The following DDX46 variants were observed in gnomAD, a reference collection of about 807,000 sequenced individuals.
DDX46 encodes the protein DEAD-box helicase 46, also known as probable ATP-dependent RNA helicase DDX46.
A neutral mutation model predicts 134.9 loss-of-function variants in DDX46; 30 were observed. The observed-to-expected ratio is 0.22, with a 90% CI of 0.17 to 0.30. The LOEUF (loss-of-function observed/expected upper bound fraction) is 0.30, where lower values mean the gene tolerates loss of function less well. Ranked by LOEUF, DDX46 falls within the 10% of genes least tolerant of loss-of-function variation. DDX46 has a pLI of 1.00. For missense variants in DDX46, 622 were observed against 1,248.7 expected, an observed-to-expected ratio of 0.50 and a Z score of 7.56; for synonymous variants, 415 against 404.1, an observed-to-expected ratio of 1.03 and a Z score of -0.32.
chr5:134,768,400 G>A (rs755884562), intron 3 of DDX46, among the ~76,000 whole-genome samples: 4 of 151,186 alleles, frequency 2.6e-5, no homozygotes, highest in Non-Finnish European at 4.4e-5. Flanking sequence ...GTGAGCCACC[G>A]TGCCTGGCCA....
At chr5:134,759,003 T>C in intron 1 of DDX46, 48 bp downstream of exon 1, 1 of 1,602,112 alleles carries the variant, frequency 6.2e-7, no homozygotes, top group Non-Finnish European at 8.5e-7. Flanking sequence ...CTTCTTGGGG[T>C]CGTGAGAAGA....
At chr5:134,767,161 T>A in intron 3 of DDX46, 101 bp downstream of exon 3, 1 of 1,410,084 alleles carries the variant, frequency 7.1e-7, no homozygotes, top group Non-Finnish European at 9.4e-7. Flanking sequence ...TTATAGAGAA[T>A]TAACTGCATT....
intron 3 of DDX46, 73 bp from the exon 4 acceptor site, chr5:134,770,830 A>G: frequency 7.3e-7 from 1 of 1,375,286 alleles, no homozygotes; most frequent in Non-Finnish European, 9.8e-7. Flanking sequence ...AAAAAAAAAA[A>G]AAGTATTTAA....
intron 14 of DDX46, 41 bp downstream of exon 14, chr5:134,795,055 T>G: frequency 6.2e-7 from 1 of 1,605,404 alleles, no homozygotes; most frequent in Non-Finnish European, 8.5e-7. Flanking sequence ...TCCTTGATAC[T>G]TAGGTGGTAT....
intron 16 of DDX46, among the ~76,000 whole-genome samples, chr5:134,808,613 A>G (rs969362095): frequency 6.6e-6 from 1 of 152,266 alleles, no homozygotes; most frequent in East Asian, 1.9e-4. Flanking sequence ...TTAAAAAAAA[A>G]CATGGGATCA....
At chr5:134,805,830 C>T (rs1754969411) in intron 15 of DDX46, among the ~76,000 whole-genome samples, 1 of 152,086 alleles carries the variant, frequency 6.6e-6, no homozygotes. Context: ...TTGCCCCCAG[C>T]CTCTCTGTTC....
chr5:134,816,323 G>A (rs1362866851), intron 18 of DDX46, 107 bp from the exon 19 acceptor site: 86 of 1,052,438 alleles, frequency 8.2e-5, no homozygotes, highest in Non-Finnish European at 1.1e-4. Context: ...ATAACTATCT[G>A]ATTCCAGCCT....
At chr5:134,808,904 T>G (rs1755063952) in intron 16 of DDX46, among the ~76,000 whole-genome samples, 1 of 152,252 alleles carries the variant, frequency 6.6e-6, no homozygotes, top group Non-Finnish European at 1.5e-5. Context: ...CTGCCATATA[T>G]AATGTCATTT....
chr5:134,769,639 C>G (rs1753698016), intron 3 of DDX46, among the ~76,000 whole-genome samples: 1 of 150,714 alleles, frequency 6.6e-6, no homozygotes, highest in South Asian at 2.1e-4. Flanking sequence ...CTCCCGAGTT[C>G]AAGTGATTCT....
chr5:134,766,162 G>A (rs1278027613), intron 2 of DDX46, among the ~76,000 whole-genome samples: 1 of 152,098 alleles, frequency 6.6e-6, no homozygotes, highest in Non-Finnish European at 1.5e-5. Flanking sequence ...TTATACTTAG[G>A]TTTAGGCTAT....
intron 4 of DDX46, 31 bp downstream of exon 4, chr5:134,771,030 T>C: frequency 1.1e-6 from 1 of 910,922 alleles, no homozygotes; most frequent in Non-Finnish European, 1.7e-6. Flanking sequence ...ATAATTTTCT[T>C]TCTTTCTTTT....
intron 15 of DDX46, among the ~76,000 whole-genome samples, chr5:134,799,156 C>T (rs765367232): frequency 3.9e-5 from 6 of 152,064 alleles, no homozygotes; most frequent in Admixed American, 1.3e-4. Context: ...GGATACTGAG[C>T]GATGACTACA....
intron 13 of DDX46, among the ~76,000 whole-genome samples, chr5:134,792,267 C>T (rs1754527063): frequency 6.6e-6 from 1 of 152,058 alleles, no homozygotes; most frequent in Non-Finnish European, 1.5e-5. Flanking sequence ...ACAAGTGTCA[C>T]ATGAAAGCAG....
intron 3 of DDX46, among the ~76,000 whole-genome samples, chr5:134,767,679 G>T (rs373453483): frequency 4.0e-5 from 6 of 151,584 alleles, no homozygotes; most frequent in Admixed American, 3.3e-4. Context: ...GGCCAGGCGC[G>T]GTGGCTGACG....
chr5:134,803,283 C>T (rs1754886293), intron 15 of DDX46, among the ~76,000 whole-genome samples: 2 of 152,196 alleles, frequency 1.3e-5, no homozygotes, highest in African/African-American at 4.8e-5. Context: ...TCTGAGCCAC[C>T]GAGCCTAGCC....
At chr5:134,821,055 TGA>T (rs1284154043) in intron 21 of DDX46, among the ~76,000 whole-genome samples, 4 of 149,100 alleles carry the variant, frequency 2.7e-5, no homozygotes, top group Non-Finnish European at 6.0e-5. Context: ...TTTTTTTTTG[TGA>T]GAGAGAGTCT....
At chr5:134,795,149 G>T in intron 14 of DDX46, 135 bp downstream of exon 14, 2 of 897,290 alleles carry the variant, frequency 2.2e-6, no homozygotes, top group African/African-American at 1.8e-5. Flanking sequence ...CTAGCCTTCA[G>T]TATTTTACCA....
In DDX46 at chr5:134,828,884, T is replaced by C. The variant is rs1406252862; in HGVS notation, c.*178T>C. The C allele has an allele frequency of 2.5e-6, 1 of 394,546 alleles. No homozygotes were observed. Among genetic ancestry groups the C allele is most frequent in the Non-Finnish European group, 4.4e-6 (1 of 226,304 alleles). 24.4% of individuals were successfully genotyped at this position (394,546 alleles called of 1,614,324 possible). On this transcript the variant is annotated 3_prime_UTR_variant, in exon 23 of 23. Coordinates refer to ENST00000452510, the MANE Select transcript of DDX46 (RefSeq NM_001300860.2). ...TGTCCGTAAGTACCCCCACAATCAG[T>C]CAAACTATATTTAAAGCCAGCCTGT...
At chr5:134,824,143 G>A (rs1755528052) in intron 21 of DDX46, among the ~76,000 whole-genome samples, 1 of 152,082 alleles carries the variant, frequency 6.6e-6, no homozygotes. Flanking sequence ...CCACAGCTCC[G>A]ATGTAGTTTT....
Sources: gnomAD v4.1 joint callset for allele counts (sites outside exome capture counted in the v4.1 genomes callset) on GRCh38, gnomAD v4.1.1 for gene constraint, MANE v1.5 for transcripts, NCBI Gene and HGNC (gene_info 2026-07-23, HGNC 2026-07-21) for gene names.